Variants in ANXA8 observed in about 807,000 individuals in gnomAD.
ANXA8 encodes VAC-beta.
A neutral mutation model predicts 26.8 loss-of-function variants in ANXA8; 9 were observed. The observed-to-expected ratio is 0.34, with a 90% CI of 0.20 to 0.59. ANXA8 has a LOEUF of 0.59. Among genes scored for constraint, ANXA8 ranks in the 20% least tolerant of loss-of-function variants. The pLI is 0.84. For missense variants in ANXA8, 83 were observed against 238.5 expected (o/e 0.35, Z 4.29); for synonymous variants, 39 against 94.8 (o/e 0.41, Z 3.42).
At chr10:47,911,319 G>T in the ANXA8 span, among the ~76,000 whole-genome samples, 1 of 150,710 alleles carries the variant, frequency 6.6e-6, no homozygotes, top group Admixed American at 6.6e-5. Context: ...CATGATCCCG[G>T]CAATTTGCAT....
At chr10:47,733,249 T>C in the ANXA8 span, among the ~76,000 whole-genome samples, 442 of 94,532 alleles carry the variant, frequency 4.7e-3, 2 homozygotes, top group Admixed American at 5.8e-3. Flanking sequence ...CTTTCTTTCT[T>C]TCTTTCTTTC....
the ANXA8 span, among the ~76,000 whole-genome samples, chr10:47,762,291 G>A: frequency 1.3e-5 from 2 of 151,606 alleles, no homozygotes; most frequent in African/African-American, 2.4e-5. Flanking sequence ...GACCTAGGAG[G>A]CTTCGCCCCG....
the ANXA8 span, among the ~76,000 whole-genome samples, chr10:47,699,838 A>AT: frequency 4.0e-5 from 6 of 151,732 alleles, no homozygotes; most frequent in Non-Finnish European, 8.8e-5. Context: ...TCTCAAAAAA[A>AT]AATAATAATA....
chr10:47,511,005 G>A, the ANXA8 span, among the ~76,000 whole-genome samples: 5 of 127,036 alleles, frequency 3.9e-5, 1 homozygote, highest in East Asian at 7.2e-4. Context: ...GTGCAGTGGC[G>A]CGATCTCGGC....
At chr10:47,733,031 G>A in the ANXA8 span, among the ~76,000 whole-genome samples, 2 of 150,490 alleles carry the variant, frequency 1.3e-5, no homozygotes, top group Non-Finnish European at 3.0e-5. Flanking sequence ...CCAACTCAGA[G>A]TAGCTTGAGC....
chr10:47,706,640 G>A, the ANXA8 span: 1 of 934,792 alleles, frequency 1.1e-6, no homozygotes, highest in Non-Finnish European at 1.7e-6. Flanking sequence ...CAGCTTTTTT[G>A]GAATCTTCTG....
At chr10:47,585,263 C>CAAAAAAAAAAAAAA in the ANXA8 span, among the ~76,000 whole-genome samples, 1 of 43,582 alleles carries the variant, frequency 2.3e-5, no homozygotes, top group Non-Finnish European at 3.3e-5. Context: ...GACTCCATCT[C>CAAAAAAAAAAAAAA]AAAAAAAAAA....
chr10:47,619,478 A>G, the ANXA8 span, among the ~76,000 whole-genome samples: 1 of 115,090 alleles, frequency 8.7e-6, no homozygotes, highest in African/African-American at 3.4e-5. Flanking sequence ...GAACCAGTGG[A>G]GCAAGATTTA....
chr10:47,587,903 T>C, the ANXA8 span, among the ~76,000 whole-genome samples: 1 of 146,248 alleles, frequency 6.8e-6, no homozygotes, highest in Non-Finnish European at 1.5e-5. Flanking sequence ...TACCTGGCTG[T>C]GAACTGGGGT....
chr10:47,639,051 G>C, the ANXA8 span, among the ~76,000 whole-genome samples: 2 of 150,316 alleles, frequency 1.3e-5, no homozygotes, highest in Non-Finnish European at 2.9e-5. Flanking sequence ...TTGGGGTATA[G>C]AAAAATGAGT....
the ANXA8 span, among the ~76,000 whole-genome samples, chr10:47,733,207 TTCTTTCTTTC>T: frequency 2.2e-4 from 20 of 89,992 alleles, 1 homozygote; most frequent in Non-Finnish European, 3.7e-4. Context: ...CTTTCTTTCT[TTCTTTCTTTC>T]TTTCTCTTTC....
At chr10:47,575,198 C>G in the ANXA8 span, among the ~76,000 whole-genome samples, 1 of 107,290 alleles carries the variant, frequency 9.3e-6, no homozygotes, top group Non-Finnish European at 1.8e-5. Flanking sequence ...GAGTGAAACT[C>G]AAAAAAAAAA....
At chr10:47,673,886 T>C in the ANXA8 span, among the ~76,000 whole-genome samples, 4 of 148,700 alleles carry the variant, frequency 2.7e-5, no homozygotes, top group Non-Finnish European at 5.9e-5. Flanking sequence ...TTAACTAAAG[T>C]CCATACTTTA....
At chr10:47,554,717 G>A in the ANXA8 span, among the ~76,000 whole-genome samples, 2 of 151,624 alleles carry the variant, frequency 1.3e-5, no homozygotes, top group African/African-American at 4.9e-5. Context: ...TTCAGGTCCT[G>A]TCACAGTGAC....
the ANXA8 span, among the ~76,000 whole-genome samples, chr10:47,654,056 A>G: frequency 1.3e-3 from 202 of 151,968 alleles, no homozygotes; most frequent in Non-Finnish European, 2.4e-3. Flanking sequence ...TACAGGTTAG[A>G]TAGTGGAGTG....
At chr10:47,557,722 G>C in the ANXA8 span, among the ~76,000 whole-genome samples, 44,681 of 149,080 alleles carry the variant, frequency 0.3, 7,713 homozygotes, top group East Asian at 0.51. Flanking sequence ...GAACCAGGTT[G>C]AAGTAATTTT....
At chr10:47,647,847 G>A in the ANXA8 span, among the ~76,000 whole-genome samples, 1 of 151,850 alleles carries the variant, frequency 6.6e-6, no homozygotes. Context: ...GACCACATAG[G>A]AAATAGGAGA....
the ANXA8 span, among the ~76,000 whole-genome samples, chr10:47,614,449 A>G: frequency 1.4e-5 from 1 of 72,438 alleles, no homozygotes; most frequent in African/African-American, 4.0e-5. Context: ...TAACAACCAT[A>G]TAAAGATAAG....
chr10:47,950,883 A>T, the ANXA8 span, among the ~76,000 whole-genome samples: 35,753 of 145,712 alleles, frequency 0.25, 1,463 homozygotes, highest in Non-Finnish European at 0.35. Context: ...GTCCAAGGTC[A>T]ATGATTTAAG....
Sources: allele counts gnomAD v4.1 joint callset (sites outside exome capture counted in the v4.1 genomes callset), GRCh38; gene constraint gnomAD v4.1.1; transcripts MANE v1.5; gene names NCBI Gene and HGNC (gene_info 2026-07-23, HGNC 2026-07-21).